FAXC: variants seen among roughly 807,000 people sequenced by gnomAD.
The protein encoded by FAXC is failed axon connections homolog.
A neutral mutation model predicts 41.9 loss-of-function variants in FAXC; 10 were observed. That is an observed-to-expected ratio of 0.24 (90% confidence interval 0.15 to 0.41). The LOEUF is 0.41. Ranked by LOEUF, FAXC falls within the 10% of genes least tolerant of loss-of-function variation. FAXC has a pLI of 1.00. For synonymous variants in FAXC, 183 were observed against 183.8 expected, an observed-to-expected ratio of 1.00 and a Z score of 0.03; for missense variants, 399 against 510.9, an observed-to-expected ratio of 0.78 and a Z score of 2.11.
chr6:99,321,917 T>C (rs889728118), intron 4 of FAXC, among the ~76,000 whole-genome samples: 4 of 152,152 alleles, frequency 2.6e-5, no homozygotes, highest in African/African-American at 9.7e-5. Context: ...CTCAATTCCT[T>C]GCTTACTGAG....
chr6:99,318,152 G>A (rs909380458), intron 4 of FAXC, among the ~76,000 whole-genome samples: 3 of 151,806 alleles, frequency 2.0e-5, no homozygotes, highest in South Asian at 2.1e-4. Flanking sequence ...CCAGCTACTC[G>A]GGAGGCTGAG....
intron 4 of FAXC, among the ~76,000 whole-genome samples, chr6:99,310,988 GC>G (rs1167459270): frequency 4.6e-5 from 7 of 152,112 alleles, no homozygotes; most frequent in African/African-American, 1.7e-4. Flanking sequence ...CTATCCCAAA[GC>G]TTTCTTAAAA....
chr6:99,273,580 G>A lies in FAXC; in HGVS notation c.*7584C>T, dbSNP rs1388638845. The A allele has an allele frequency of 6.7e-6, 1 of 149,612 alleles. No individual in the cohort carries two copies. The highest frequency in any genetic ancestry group is 1.5e-5 in the Non-Finnish European group (1 of 67,588). 9.3% of individuals were successfully genotyped at this position (149,612 alleles called of 1,614,324 possible). ...CAGAATTAAAAACATCAGTCTTAAA[G>A]GTGACATCAAATTGTTCATCCTTCT... is the stretch of plus-strand genomic sequence containing the variant. On this transcript the variant is annotated 3_prime_UTR_variant, in exon 6 of 6. Transcript: ENST00000389677.
At chr6:99,345,244 C>T (rs1179500695) in intron 1 of FAXC, among the ~76,000 whole-genome samples, 1 of 152,204 alleles carries the variant, frequency 6.6e-6, no homozygotes, top group East Asian at 1.9e-4. Context: ...ATAAAAGTCA[C>T]AGCTAATGAT....
intron 4 of FAXC, among the ~76,000 whole-genome samples, chr6:99,316,643 C>A (rs1772368419): frequency 1.3e-5 from 2 of 152,216 alleles, no homozygotes; most frequent in South Asian, 4.1e-4. Flanking sequence ...AACACTGCTT[C>A]ATGGTATAGG....
intron 2 of FAXC, among the ~76,000 whole-genome samples, chr6:99,339,485 AAGTACCACTACTATG>A (rs1773338972): frequency 6.6e-6 from 1 of 152,210 alleles, no homozygotes; most frequent in African/African-American, 2.4e-5. Context: ...ATAACTAGAT[AAGTACCACTACTATG>A]AGAAGGGCAG....
intron 4 of FAXC, among the ~76,000 whole-genome samples, chr6:99,314,574 C>T (rs1041050471): frequency 1.3e-5 from 2 of 151,954 alleles, no homozygotes; most frequent in African/African-American, 4.8e-5. Flanking sequence ...CCCTGGGCCA[C>T]CAAACCTACT....
intron 4 of FAXC, among the ~76,000 whole-genome samples, chr6:99,321,130 C>T (rs553282099): frequency 1.1e-4 from 17 of 152,276 alleles, no homozygotes; most frequent in Middle Eastern, 3.4e-3. Flanking sequence ...GCCTCATCAC[C>T]CCCTGGACTA....
chr6:99,291,927 A>G, intron 4 of FAXC, 107 bp from the exon 5 acceptor site: 1 of 839,352 alleles, frequency 1.2e-6, no homozygotes, highest in Non-Finnish European at 2.0e-6. Context: ...GATACCAAAA[A>G]GCTTTGCAGA....
At chr6:99,345,854 C>A (rs1451851775) in intron 1 of FAXC, among the ~76,000 whole-genome samples, 3 of 152,198 alleles carry the variant, frequency 2.0e-5, no homozygotes, top group Non-Finnish European at 4.4e-5. Context: ...GCTATCTCCA[C>A]TCAGGGAAAA....
chr6:99,280,390 G>A lies in FAXC; in HGVS notation c.*774C>T, dbSNP rs1431726619. On this transcript the variant is annotated 3_prime_UTR_variant, in exon 6 of 6. Coordinates refer to ENST00000389677, the MANE Select transcript of FAXC (RefSeq NM_032511.4). The stretch of plus-strand genomic sequence containing the variant: ...GCCCTCAAATCTTCACATGCATGAA[G>A]TGCAATAAAGAATAAAATGCTGTGT... 1 of 152,232 alleles carries A rather than the reference G, an allele frequency of 6.6e-6. No individual in the cohort carries two copies. Among genetic ancestry groups the A allele is most frequent in the African/African-American group, 2.4e-5 (1 of 41,450 alleles). 9.4% of individuals were successfully genotyped at this position (152,232 alleles called of 1,614,324 possible).
At chr6:99,309,842 T>G (rs1180324576) in intron 4 of FAXC, 1 of 910,718 alleles carries the variant, frequency 1.1e-6, no homozygotes, top group East Asian at 1.2e-4. Flanking sequence ...CTCACCAGAA[T>G]GCAATCAATA....
chr6:99,330,112 A>G (rs947079799), intron 3 of FAXC, among the ~76,000 whole-genome samples: 3 of 151,950 alleles, frequency 2.0e-5, no homozygotes, highest in Non-Finnish European at 2.9e-5. Context: ...CTCCTACCTC[A>G]GCTTCACAAA....
Position 99,323,505 on chromosome 6 carries a change from G to A in FAXC, c.762C>T (p.Phe254=), listed in dbSNP as rs773383566. Residue 254 remains phenylalanine, a synonymous_variant, in exon 4 of 6, where the codon TTC becomes TTT. Transcript: ENST00000389677. ...REMHGHGIGR[F]SEEEIYMLME... is the part of the protein sequence containing the mutation. Reference sequence around the variant, plus strand: ...TCAGCATGTAAATCTCTTCCTCGGAGAAGCGGCCAATGCCGTGGCCGTGCA... The same window carrying A: ...TCAGCATGTAAATCTCTTCCTCGGAAAAGCGGCCAATGCCGTGGCCGTGCA... 3 of 1,614,130 alleles carry A rather than the reference G, an allele frequency of 1.9e-6. No homozygotes were observed. The East Asian group carries it at 6.7e-5, about 36-fold the overall frequency.
intron 4 of FAXC, among the ~76,000 whole-genome samples, chr6:99,297,840 G>A (rs1383849496): frequency 6.6e-6 from 1 of 152,146 alleles, no homozygotes; most frequent in Non-Finnish European, 1.5e-5. Context: ...CTGCATGAAG[G>A]CTTCCCACAC....
At chr6:99,317,338 CTAAATCAGTGAT>C (rs1772396825) in intron 4 of FAXC, among the ~76,000 whole-genome samples, 1 of 152,170 alleles carries the variant, frequency 6.6e-6, no homozygotes, top group Admixed American at 6.5e-5. Context: ...CTCAGGATCT[CTAAATCAGTGAT>C]AATGCTCCAC....
intron 1 of FAXC, among the ~76,000 whole-genome samples, chr6:99,345,436 C>T (rs1202757218): frequency 2.0e-5 from 3 of 152,182 alleles, no homozygotes; most frequent in African/African-American, 7.2e-5. Context: ...CAGACAGAGT[C>T]TGAATTTGAA....
chr6:99,330,938 G>A (rs1773005311), intron 3 of FAXC, among the ~76,000 whole-genome samples: 1 of 152,154 alleles, frequency 6.6e-6, no homozygotes, highest in South Asian at 2.1e-4. Flanking sequence ...CCTGGGGCAT[G>A]GGGAAAGGAG....
chr6:99,288,590 T>C (rs568397744), intron 5 of FAXC, among the ~76,000 whole-genome samples: 1 of 152,304 alleles, frequency 6.6e-6, no homozygotes, highest in Non-Finnish European at 1.5e-5. Flanking sequence ...TGTGATAACA[T>C]ATTTAGTTTA....
Sources: allele counts gnomAD v4.1 joint callset (sites outside exome capture counted in the v4.1 genomes callset), GRCh38; gene constraint gnomAD v4.1.1; transcripts MANE v1.5; gene names NCBI Gene and HGNC (gene_info 2026-07-23, HGNC 2026-07-21).